PARD3B: variants seen among roughly 807,000 people sequenced by gnomAD.
PARD3B encodes the protein partitioning defective 3 homolog B.
PARD3B carries 103 observed loss-of-function variants against 130.2 expected under a neutral mutation model. The observed-to-expected ratio is 0.79, with a 90% CI of 0.67 to 0.93. PARD3B has a LOEUF of 0.93. PARD3B is among the 40% of genes least tolerant of loss of function. The probability of loss-of-function intolerance (pLI) is 0.00; values close to 1 mark genes in which losing one functional copy is unlikely to be tolerated. For synonymous variants in PARD3B, 583 were observed against 553.2 expected, an observed-to-expected ratio of 1.05 and a Z score of -0.76; for missense variants, 1,609 against 1,499.2, an observed-to-expected ratio of 1.07 and a Z score of -1.21.
chr2:205,154,217 C>G (rs2033958137), intron 10 of PARD3B, among the ~76,000 whole-genome samples: 1 of 152,098 alleles, frequency 6.6e-6, no homozygotes, highest in Admixed American at 6.5e-5. Context: ...ACAAGCAACC[C>G]CATCCAAAAG....
intron 21 of PARD3B, among the ~76,000 whole-genome samples, chr2:205,513,154 T>G (rs2050656838): frequency 6.6e-6 from 1 of 152,076 alleles, no homozygotes; most frequent in South Asian, 2.1e-4. Flanking sequence ...GAAATCGTGC[T>G]CTCACAATTA....
chr2:204,863,665 G>A (rs556482994), intron 2 of PARD3B, among the ~76,000 whole-genome samples: 9 of 152,306 alleles, frequency 5.9e-5, no homozygotes, highest in African/African-American at 2.2e-4. Flanking sequence ...TGGTAAGACA[G>A]TCCATTTGTA....
At chr2:205,302,998 C>T (rs1040566542) in intron 18 of PARD3B, among the ~76,000 whole-genome samples, 1 of 152,168 alleles carries the variant, frequency 6.6e-6, no homozygotes, top group South Asian at 2.1e-4. Context: ...CTTCTCTCCC[C>T]TTCAAGTATA....
chr2:204,749,405 A>G lies in PARD3B; in HGVS notation c.222+63123A>G, dbSNP rs550163674. ...CTAAGGAGTGCTTCACTATTTCTTC[A>G]TTTTTAGGATATCTCACAATATTAG... On this transcript the variant is annotated intron_variant, in intron 2 of 22. Transcript: ENST00000406610. 2.0e-5 allele frequency among the ~76,000 whole-genome samples: 3 copies of G among 152,102 alleles called. No individual in the cohort carries two copies. The South Asian group carries it at 6.2e-4, about 32-fold the overall frequency.
intron 2 of PARD3B, among the ~76,000 whole-genome samples, chr2:204,813,024 A>T (rs1303059869): frequency 6.6e-6 from 1 of 152,178 alleles, no homozygotes; most frequent in Non-Finnish European, 1.5e-5. Context: ...TGCCATAATT[A>T]TTTGTGTATA....
intron 21 of PARD3B, among the ~76,000 whole-genome samples, chr2:205,539,182 A>G (rs2052007286): frequency 6.6e-6 from 1 of 152,050 alleles, no homozygotes; most frequent in Admixed American, 6.5e-5. Context: ...TGCTTTTAGG[A>G]TTGTCTGACC....
At chr2:205,410,043 C>T (rs2046544708) in intron 19 of PARD3B, among the ~76,000 whole-genome samples, 1 of 152,110 alleles carries the variant, frequency 6.6e-6, no homozygotes, top group East Asian at 1.9e-4. Context: ...AGCTGTACCT[C>T]AGAGATACAG....
intron 21 of PARD3B, among the ~76,000 whole-genome samples, chr2:205,528,298 C>T (rs908328468): frequency 6.6e-6 from 1 of 152,168 alleles, no homozygotes; most frequent in African/African-American, 2.4e-5. Context: ...AAGTCATGCA[C>T]ATTTGAGCCC....
intron 15 of PARD3B, among the ~76,000 whole-genome samples, chr2:205,201,581 T>C (rs1362399396): frequency 2.0e-5 from 3 of 152,240 alleles, no homozygotes; most frequent in Non-Finnish European, 4.4e-5. Flanking sequence ...CTTACACCTG[T>C]AATCCCAGCC....
intron 15 of PARD3B, among the ~76,000 whole-genome samples, chr2:205,239,556 T>C (rs1426152582): frequency 6.6e-6 from 1 of 152,228 alleles, no homozygotes; most frequent in East Asian, 1.9e-4. Context: ...CAATATTCTT[T>C]AATGAGCTAA....
chr2:204,694,737 A>G (rs1202034895), intron 2 of PARD3B, among the ~76,000 whole-genome samples: 1 of 152,048 alleles, frequency 6.6e-6, no homozygotes, highest in Admixed American at 6.6e-5. Flanking sequence ...GATGATGGCC[A>G]TGTCAGATAT....
chr2:205,035,602 T>G (rs1418755877), intron 3 of PARD3B, among the ~76,000 whole-genome samples: 1 of 151,786 alleles, frequency 6.6e-6, no homozygotes, highest in Non-Finnish European at 1.5e-5. Context: ...CACCTGGCCC[T>G]GTACCTTAGT....
intron 2 of PARD3B, among the ~76,000 whole-genome samples, chr2:204,830,360 A>C (rs1278013579): frequency 6.6e-6 from 1 of 152,180 alleles, no homozygotes; most frequent in East Asian, 1.9e-4. Context: ...AGAGTTGTTT[A>C]AGTAATACCT....
chr2:205,192,644 A>G (rs923476326), intron 14 of PARD3B, among the ~76,000 whole-genome samples: 1 of 152,178 alleles, frequency 6.6e-6, no homozygotes, highest in African/African-American at 2.4e-5. Context: ...TGCTCTTCCT[A>G]TTATTTCCTT....
At chr2:205,431,093 T>C (rs1243815729) in intron 19 of PARD3B, among the ~76,000 whole-genome samples, 1 of 152,240 alleles carries the variant, frequency 6.6e-6, no homozygotes, top group Non-Finnish European at 1.5e-5. Flanking sequence ...ATTTATTCAT[T>C]TAGAGACAGA....
At chr2:205,164,931 T>G (rs74597583) in intron 11 of PARD3B, among the ~76,000 whole-genome samples, 11,323 of 131,216 alleles carry the variant, frequency 0.086, 449 homozygotes, top group Middle Eastern at 0.18. Context: ...TGCATACATA[T>G]ACACACGTTT....
intron 20 of PARD3B, among the ~76,000 whole-genome samples, chr2:205,448,760 T>C (rs73985027): frequency 0.036 from 5,407 of 152,264 alleles, 334 homozygotes; most frequent in African/African-American, 0.12. Flanking sequence ...ATTAATCTAG[T>C]CTGCTATTAT....
intron 2 of PARD3B, among the ~76,000 whole-genome samples, chr2:204,823,766 C>A (rs547567747): frequency 6.6e-6 from 1 of 152,104 alleles, no homozygotes; most frequent in African/African-American, 2.4e-5. Context: ...ATGGTGAAAC[C>A]GTTTCTCTAC....
At position 205,463,258 on chromosome 2, in the gene PARD3B, C is replaced by A. The variant is rs1187333432; in HGVS notation, c.3044+22586C>A. On this transcript the variant is annotated intron_variant, in intron 20 of 22. Coordinates refer to ENST00000406610, the MANE Select transcript of PARD3B (RefSeq NM_001302769.2). This position sits in a 1 kb window ranked among gnomAD's most constrained non-coding sequence, Gnocchi z 4.8. ...CATAAGGAGAGTTTGAACAATGGAT[C>A]CAAATTATCATTGCAAGAGTGCACT... is the stretch of plus-strand genomic sequence containing the variant. Among the ~76,000 whole-genome samples the A allele has an allele frequency of 6.6e-6, 1 of 152,032 alleles. No homozygotes were observed. The highest frequency in any genetic ancestry group is 1.9e-4 in the East Asian group (1 of 5,170).
Sources: allele counts gnomAD v4.1 joint callset (sites outside exome capture counted in the v4.1 genomes callset), GRCh38; gene constraint gnomAD v4.1.1; non-coding constraint Gnocchi (gnomAD v3.1); transcripts MANE v1.5; gene names NCBI Gene and HGNC (gene_info 2026-07-23, HGNC 2026-07-21).